The following ADCY8 variants were observed in gnomAD, a reference collection of about 807,000 sequenced individuals.
The protein encoded by ADCY8 is adenylate cyclase type 8.
A neutral mutation model predicts 119.7 loss-of-function variants in ADCY8; 51 were observed. The ratio of observed to expected loss-of-function variants is 0.43; its 90% CI spans 0.34 to 0.54. The LOEUF is 0.54. Ranked by LOEUF, ADCY8 falls within the 20% of genes least tolerant of loss-of-function variation. The pLI is 0.03. For missense variants in ADCY8, 1,383 were observed against 1,598.8 expected, an observed-to-expected ratio of 0.87 and a Z score of 2.30; for synonymous variants, 665 against 651.0, an observed-to-expected ratio of 1.02 and a Z score of -0.33.
intron 5 of ADCY8, among the ~76,000 whole-genome samples, chr8:130,924,072 C>T (rs1019780968): frequency 2.0e-5 from 3 of 152,170 alleles, no homozygotes; most frequent in Admixed American, 6.5e-5. Flanking sequence ...AGCAATTGCA[C>T]AAATCTGGAG....
chr8:130,817,764 A>C (rs1816391134), intron 13 of ADCY8, among the ~76,000 whole-genome samples: 1 of 152,226 alleles, frequency 6.6e-6, no homozygotes, highest in South Asian at 2.1e-4. Context: ...AAACAAACTT[A>C]TAGGGAAAAA....
intron 2 of ADCY8, among the ~76,000 whole-genome samples, chr8:130,969,405 CTCTT>C (rs1821858026): frequency 1.3e-5 from 2 of 151,652 alleles, no homozygotes; most frequent in Non-Finnish European, 2.9e-5. Flanking sequence ...AAATAAAGCT[CTCTT>C]TCTTTTTCTC....
At chr8:130,986,770 T>G (rs10956569) in intron 2 of ADCY8, among the ~76,000 whole-genome samples, 28,091 of 152,154 alleles carry the variant, frequency 0.18, 4,838 homozygotes, top group African/African-American at 0.46. Context: ...GTCAAAGAAT[T>G]TCTTCACTTT....
chr8:130,801,328 T>C (rs1586426636), intron 14 of ADCY8, among the ~76,000 whole-genome samples: 1 of 152,292 alleles, frequency 6.6e-6, no homozygotes, highest in Middle Eastern at 3.4e-3. Context: ...CTCTTGGTGG[T>C]GACTTACCTC....
At chr8:130,928,211 A>G (rs1472064257) in intron 5 of ADCY8, among the ~76,000 whole-genome samples, 1 of 152,202 alleles carries the variant, frequency 6.6e-6, no homozygotes, top group East Asian at 1.9e-4. Context: ...AGCTAGGACT[A>G]TAGGCATGTG....
intron 6 of ADCY8, among the ~76,000 whole-genome samples, chr8:130,909,184 A>C (rs1183974801): frequency 6.6e-6 from 1 of 152,200 alleles, no homozygotes; most frequent in African/African-American, 2.4e-5. Context: ...CATTAGTTGC[A>C]GTGGCCTTTG....
intron 16 of ADCY8, 108 bp downstream of exon 16, chr8:130,785,275 C>T: frequency 2.9e-6 from 2 of 686,296 alleles, no homozygotes. Context: ...TAGATTTTCT[C>T]CCCATCTTTC....
chr8:130,909,032 TCCATCCA>T (rs139536367), intron 6 of ADCY8, among the ~76,000 whole-genome samples: 33,487 of 126,124 alleles, frequency 0.27, 4,271 homozygotes, highest in Admixed American at 0.37. Flanking sequence ...CATCCATCCA[TCCATCCA>T]CCATCCATCC....
intron 9 of ADCY8, among the ~76,000 whole-genome samples, chr8:130,857,147 C>T (rs753888706): frequency 4.0e-5 from 6 of 150,962 alleles, no homozygotes; most frequent in Admixed American, 6.6e-5. Flanking sequence ...TGCTAAATGA[C>T]GAGTTAATGG....
chr8:130,809,440 C>A (rs1250545173), intron 14 of ADCY8, among the ~76,000 whole-genome samples: 1 of 152,168 alleles, frequency 6.6e-6, no homozygotes, highest in East Asian at 1.9e-4. Context: ...TTTGCTCTGG[C>A]CTGTTCTTTC....
chr8:130,988,086 G>A (rs916908916), intron 2 of ADCY8, among the ~76,000 whole-genome samples: 3 of 152,204 alleles, frequency 2.0e-5, no homozygotes, highest in African/African-American at 7.2e-5. Context: ...AAGACTCAGA[G>A]CTTGCTCAAG....
chr8:130,888,591 A>G (rs1203372971), intron 7 of ADCY8, among the ~76,000 whole-genome samples: 1 of 152,064 alleles, frequency 6.6e-6, no homozygotes, highest in East Asian at 1.9e-4. Flanking sequence ...GGTGCTTGAG[A>G]TAGATCAAAG....
chr8:130,846,888 T>TCCC (rs1554606244), intron 11 of ADCY8, among the ~76,000 whole-genome samples: 1 of 19,834 alleles, frequency 5.0e-5, no homozygotes, highest in African/African-American at 2.5e-4. Context: ...TTCCCTTCCC[T>TCCC]TTCCTTCCTT....
chr8:130,846,882 CTTCCCT>C lies in ADCY8; in HGVS notation c.2502+536_2502+541del, dbSNP rs1291712959. 4.8e-3 allele frequency among the ~76,000 whole-genome samples: 123 copies of C among 25,648 alleles called. 9 individuals are homozygous for C. The highest frequency in any genetic ancestry group is 0.026 in the African/African-American group (114 of 4,464). The allele number at this position is 25,648 out of a possible 152,430, so 16.8% of individuals were successfully genotyped here. A position where few individuals can be genotyped will look rare whatever the true frequency, so the allele number is the denominator to read the frequency against. On this transcript the variant is annotated intron_variant, in intron 11 of 17. Transcript: ENST00000286355. Reference sequence around the variant, plus strand: ...CCTCCCCTCCCTTCCCTTCCCTTCCCTTCCCTTTCCTTCCTTCCTTCCTTCCTTCCT... The same window carrying C: ...CCTCCCCTCCCTTCCCTTCCCTTCCCTTCCTTCCTTCCTTCCTTCCTTCCT...
At position 130,977,594 on chromosome 8, in the gene ADCY8, AGTGAGAGCTCTTAT is replaced by A. The variant is rs1822111041; in HGVS notation, c.1110+12785_1110+12798del. ...AATAAATATGGACTACACCACTGCC[AGTGAGAGCTCTTAT>A]TGGGCACCTACTATGTTTCAAGATT... On this transcript the variant is annotated intron_variant, in intron 2 of 17. Transcript: ENST00000286355. 7.2e-5 allele frequency among the ~76,000 whole-genome samples: 11 copies of A among 152,380 alleles called. No homozygotes were observed. The South Asian group carries it at 8.3e-4, about 11-fold the overall frequency.
intron 2 of ADCY8, among the ~76,000 whole-genome samples, chr8:130,985,341 C>T (rs1011622398): frequency 9.2e-5 from 14 of 151,934 alleles, no homozygotes; most frequent in African/African-American, 3.4e-4. Context: ...GAAAGTTACA[C>T]CAGGTAGGGA....
intron 5 of ADCY8, among the ~76,000 whole-genome samples, chr8:130,910,858 T>A (rs891326169): frequency 2.0e-5 from 3 of 152,206 alleles, no homozygotes; most frequent in Non-Finnish European, 4.4e-5. Flanking sequence ...CAATTTTAGT[T>A]TATGATTAAA....
chr8:130,844,537 GAAGCGA>G (rs1817240787), intron 11 of ADCY8, among the ~76,000 whole-genome samples: 1 of 152,194 alleles, frequency 6.6e-6, no homozygotes, highest in Admixed American at 6.5e-5. Context: ...TCACAAAGAT[GAAGCGA>G]TTTGCTTGGG....
At chr8:131,016,721 G>T (rs1823485737) in intron 1 of ADCY8, among the ~76,000 whole-genome samples, 1 of 152,124 alleles carries the variant, frequency 6.6e-6, no homozygotes, top group Non-Finnish European at 1.5e-5. Flanking sequence ...AGTATGTGGA[G>T]ACAGGGATGA....
Sources: allele counts gnomAD v4.1 joint callset (sites outside exome capture counted in the v4.1 genomes callset), GRCh38; gene constraint gnomAD v4.1.1; transcripts MANE v1.5; gene names NCBI Gene and HGNC (gene_info 2026-07-23, HGNC 2026-07-21).